The following FMO3 variants were observed in gnomAD, a reference collection of about 807,000 sequenced individuals.
FMO3 encodes flavin-containing monooxygenase 3.
In FMO3, 40 loss-of-function variants were observed where a neutral mutation model predicts 39.4. The ratio of observed to expected loss-of-function variants is 1.02; its 90% CI spans 0.79 to 1.32. The LOEUF is 1.32. FMO3 is among the 40% of genes most tolerant of loss of function. FMO3 has a pLI of 0.00. For synonymous variants in FMO3, 219 were observed against 228.8 expected (o/e 0.96, Z 0.39); for missense variants, 680 against 651.8 (o/e 1.04, Z -0.47).
In FMO3 at chr1:171,114,136, T is replaced by A; in HGVS notation, c.957T>A (p.Phe319Leu). 7 of 1,614,022 alleles carry A rather than the reference T, an allele frequency of 4.3e-6. No homozygotes were observed. Among genetic ancestry groups the A allele is most frequent in the Non-Finnish European group, 5.9e-6 (7 of 1,179,934 alleles). Reference sequence around the variant, plus strand: ...CCATTTTTGAGGATGGGACCATATTTGAGGGCATTGACTGTGTAATCTTTG... The same window carrying A: ...CCATTTTTGAGGATGGGACCATATTAGAGGGCATTGACTGTGTAATCTTTG... ...TSAIFEDGTI[F>L]EGIDCVIFAT... Residue 319 changes from phenylalanine to leucine, a missense_variant, in exon 7 of 9, where the codon TTT (phenylalanine) becomes TTA (leucine). By Grantham distance (22) the Phe-to-Leu change is conservative. Coordinates refer to ENST00000367755, the MANE Select transcript of FMO3 (RefSeq NM_001002294.3).
At chr1:171,101,271 G>A (rs542646380) in intron 2 of FMO3, 4 of 452,424 alleles carry the variant, frequency 8.8e-6, no homozygotes, top group Non-Finnish European at 1.8e-5. Flanking sequence ...CTAGAACTGT[G>A]AATCAATTGC....
chr1:171,116,026 G>A (rs1453977109), intron 7 of FMO3, among the ~76,000 whole-genome samples, 182 bp from the exon 8 acceptor site: 1 of 152,070 alleles, frequency 6.6e-6, no homozygotes, highest in African/African-American at 2.4e-5. Context: ...AAGCTATTTA[G>A]GTAATGTTTT....
At position 171,117,639 on chromosome 1, in the gene FMO3, G is replaced by A; in HGVS notation, c.*197G>A. Reference sequence around the variant, plus strand: ...TTTAAGAATCATGTCATGATCTTAAGAGAGCACTAATCATTTCTGTTTGAG... The same window carrying A: ...TTTAAGAATCATGTCATGATCTTAAAAGAGCACTAATCATTTCTGTTTGAG... On this transcript the variant is annotated 3_prime_UTR_variant, in exon 9 of 9. Coordinates refer to ENST00000367755, the MANE Select transcript of FMO3 (RefSeq NM_001002294.3). 2 of 530,256 alleles carry A rather than the reference G, an allele frequency of 3.8e-6. No individual in the cohort carries two copies. The highest frequency in any genetic ancestry group is 6.6e-6 in the Non-Finnish European group (2 of 301,272). 32.8% of individuals were successfully genotyped at this position (530,256 alleles called of 1,614,324 possible).
rs1442916007 is a variant in FMO3, at chr1:171,096,025, AATATAT to A, written c.132+3237_132+3242del. 1.0e-3 allele frequency among the ~76,000 whole-genome samples: 47 copies of A among 45,974 alleles called. 1 individual carries two copies. The highest frequency in any genetic ancestry group is 4.2e-3 in the African/African-American group (43 of 10,192). 30.2% of individuals were successfully genotyped at this position (45,974 alleles called of 152,430 possible). A position where few individuals can be genotyped will look rare whatever the true frequency, so the allele number is the denominator to read the frequency against. On this transcript the variant is annotated intron_variant, in intron 2 of 8. Coordinates refer to ENST00000367755, the MANE Select transcript of FMO3 (RefSeq NM_001002294.3). The stretch of plus-strand genomic sequence containing the variant: ...TATATTAATATACATATTATATATT[AATATAT>A]AATATATATTATATATAAATATATA...
chr1:171,097,452 G>A (rs2101900676), intron 2 of FMO3, among the ~76,000 whole-genome samples: 1 of 121,616 alleles, frequency 8.2e-6, no homozygotes, highest in South Asian at 2.9e-4. Context: ...TCCAGCACCT[G>A]TTGTTTCCTG....
chr1:171,101,949 T>G (rs1655414817), intron 2 of FMO3: 1 of 351,768 alleles, frequency 2.8e-6, no homozygotes, highest in African/African-American at 2.2e-5. Flanking sequence ...ATCAATTTTT[T>G]TCTTTAATGT....
intron 7 of FMO3, among the ~76,000 whole-genome samples, chr1:171,115,279 A>T (rs923954910): frequency 5.3e-5 from 8 of 152,194 alleles, no homozygotes; most frequent in Non-Finnish European, 1.0e-4. Context: ...CTTAAGGGAA[A>T]TGAGACACAA....
chr1:171,109,805 A>T (rs1436647056), intron 5 of FMO3, among the ~76,000 whole-genome samples: 3 of 151,774 alleles, frequency 2.0e-5, no homozygotes, highest in African/African-American at 7.3e-5. Context: ...GCCTCCCAAA[A>T]TTCTGGGATT....
At chr1:171,096,050 A>G (rs1348318861) in intron 2 of FMO3, among the ~76,000 whole-genome samples, 1 of 49,780 alleles carries the variant, frequency 2.0e-5, no homozygotes, top group Non-Finnish European at 2.8e-5. Flanking sequence ...TTATATATAA[A>G]TATATAATAT....
In FMO3 at chr1:171,110,963, A is replaced by G; in HGVS notation, c.793A>G (p.Lys265Glu). ...LYVKQMNARF[K>E]HENYGLMPLN... The stretch of plus-strand genomic sequence containing the variant: ...CGTGAAGCAGATGAATGCAAGATTC[A>G]AGCATGAAAACTATGGCTTGATGCC... The change falls in exon 6 of 9, where the codon AAG becomes GAG. Residue 265 changes from lysine (K) to glutamate (E), a missense_variant. Lys to Glu is a moderately conservative substitution (Grantham distance 56). Coordinates refer to ENST00000367755, the MANE Select transcript of FMO3 (RefSeq NM_001002294.3). The G allele has an allele frequency of 6.2e-7, 1 of 1,613,948 alleles. No homozygotes were observed. Among genetic ancestry groups the G allele is most frequent in the South Asian group, 1.1e-5 (1 of 91,084 alleles).
At chr1:171,097,803 C>T (rs902444936) in intron 2 of FMO3, among the ~76,000 whole-genome samples, 1 of 151,806 alleles carries the variant, frequency 6.6e-6, no homozygotes, top group South Asian at 2.1e-4. Flanking sequence ...TAATTAGATC[C>T]CATTTGTCAA....
intron 5 of FMO3, among the ~76,000 whole-genome samples, chr1:171,110,024 G>A (rs531111035): frequency 1.3e-5 from 2 of 152,268 alleles, no homozygotes; most frequent in African/African-American, 2.4e-5. Flanking sequence ...GCCAGGTAAC[G>A]TTAGCCATGT....
intron 7 of FMO3, among the ~76,000 whole-genome samples, chr1:171,115,444 A>G (rs1656102853): frequency 6.6e-6 from 1 of 152,146 alleles, no homozygotes; most frequent in Non-Finnish European, 1.5e-5. Flanking sequence ...CTGGAACCAT[A>G]CCATATCTAC....
At chr1:171,091,134 G>A (rs557555455) in intron 1 of FMO3, among the ~76,000 whole-genome samples, 153 bp downstream of exon 1, 3 of 152,002 alleles carry the variant, frequency 2.0e-5, no homozygotes, top group African/African-American at 7.2e-5. Flanking sequence ...GCTGAGGCAG[G>A]AGAATCACTT....
intron 2 of FMO3, among the ~76,000 whole-genome samples, chr1:171,095,888 T>A (rs1654947277): frequency 1.2e-3 from 1 of 846 alleles, no homozygotes; most frequent in African/African-American, 2.5e-3. Flanking sequence ...ATAATTATAT[T>A]ATATATAATT....
intron 3 of FMO3, among the ~76,000 whole-genome samples, chr1:171,107,150 C>T (rs968280472): frequency 6.6e-6 from 1 of 152,098 alleles, no homozygotes; most frequent in African/African-American, 2.4e-5. Flanking sequence ...AAATATTTAT[C>T]GATAATCTAG....
chr1:171,104,303 GA>G lies in FMO3; in HGVS notation c.321+332del, dbSNP rs554451841. ...TAGGTCAAAGAAGAAATTTCAATGGGAATTTAAAAATATCTATAACTGAATG... is the reference window on the plus strand; with the variant it reads ...TAGGTCAAAGAAGAAATTTCAATGGGATTTAAAAATATCTATAACTGAATG... On this transcript the variant is annotated intron_variant, in intron 3 of 8. Coordinates refer to ENST00000367755, the MANE Select transcript of FMO3 (RefSeq NM_001002294.3). 4.1e-3 allele frequency among the ~76,000 whole-genome samples: 629 copies of G among 152,048 alleles called. 5 individuals are homozygous for G. The highest frequency in any genetic ancestry group is 6.3e-3 in the Admixed American group (96 of 15,262).
chr1:171,110,258 A>G (rs1039780303), intron 5 of FMO3, among the ~76,000 whole-genome samples: 3 of 152,152 alleles, frequency 2.0e-5, no homozygotes, highest in African/African-American at 7.2e-5. Context: ...TAAAATGCCT[A>G]TTTTGAGATC....
intron 2 of FMO3, among the ~76,000 whole-genome samples, chr1:171,096,034 T>A (rs1557933013): frequency 1.5e-5 from 1 of 65,868 alleles, no homozygotes; most frequent in African/African-American, 8.3e-5. Context: ...TAATATATAA[T>A]ATATATTATA....
Sources: allele counts gnomAD v4.1 joint callset (sites outside exome capture counted in the v4.1 genomes callset), GRCh38; gene constraint gnomAD v4.1.1; transcripts MANE v1.5; gene names NCBI Gene and HGNC (gene_info 2026-07-23, HGNC 2026-07-21).